Variants in PLEKHH2 observed in about 807,000 individuals in gnomAD.
PLEKHH2 encodes the protein pleckstrin homology, MyTH4 and FERM domain containing H2.
A neutral mutation model predicts 187.9 loss-of-function variants in PLEKHH2; 129 were observed. That is an observed-to-expected ratio of 0.69 (90% CI 0.59 to 0.79). The LOEUF (loss-of-function observed/expected upper bound fraction) is 0.79. Among genes scored for constraint, PLEKHH2 ranks in the 30% least tolerant of loss-of-function variants. PLEKHH2 has a pLI of 0.00. For synonymous variants in PLEKHH2, 686 were observed against 605.6 expected, an observed-to-expected ratio of 1.13 and a Z score of -1.95; for missense variants, 2,076 against 1,751.2, an observed-to-expected ratio of 1.19 and a Z score of -3.31.
At chr2:43,704,803 G>A (rs1449543087) in intron 9 of PLEKHH2, among the ~76,000 whole-genome samples, 4 of 151,724 alleles carry the variant, frequency 2.6e-5, no homozygotes, top group African/African-American at 9.7e-5. Context: ...AAATTCATTG[G>A]AATAAAGAGT....
chr2:43,697,798 G>A (rs997189108), intron 7 of PLEKHH2, among the ~76,000 whole-genome samples: 1 of 151,730 alleles, frequency 6.6e-6, no homozygotes, highest in African/African-American at 2.4e-5. Context: ...ATTAAACATT[G>A]GCATAGCAAA....
rs201819951 is a variant in PLEKHH2 at position 43,763,008 on chromosome 2, CAGA to C, written c.4158+622_4158+624del. On this transcript the variant is annotated intron_variant, in intron 28 of 29. Coordinates refer to ENST00000282406, the MANE Select transcript of PLEKHH2 (RefSeq NM_172069.4). ...GCAGGTCTAATCCTGTGGCTATAAT[CAGA>C]AGATCACTGAAAATTTTCTGGAAAC... Among the ~76,000 whole-genome samples, 919 of 152,192 alleles carry C rather than the reference CAGA, an allele frequency of 6.0e-3. 15 individuals carry two copies. The highest frequency in any genetic ancestry group is 0.021 in the African/African-American group (868 of 41,530).
At position 43,712,247 on chromosome 2, in the gene PLEKHH2, A is replaced by G. The variant is rs995367580; in HGVS notation, c.2324A>G (p.Tyr775Cys). Residue 775 changes from tyrosine (Y) to cysteine (C), a missense_variant, in exon 15 of 30, where the codon TAC becomes TGC. Physicochemically the swap from Tyr to Cys is radical, Grantham distance 194. Coordinates refer to ENST00000282406, the MANE Select transcript of PLEKHH2 (RefSeq NM_172069.4). ...TAGTTGACCACTGAAAAACACACAT[A>G]CTATCTGACTGCAGATTCTCCCAAT... ...TVQLTTEKHT[Y>C]YLTADSPNIL... 5 of 1,613,316 alleles carry G rather than the reference A, an allele frequency of 3.1e-6. No individual in the cohort carries two copies. The highest frequency in any genetic ancestry group is 4.2e-6 in the Non-Finnish European group (5 of 1,179,366).
intron 16 of PLEKHH2, among the ~76,000 whole-genome samples, chr2:43,723,095 G>C (rs1402928956): frequency 6.6e-6 from 1 of 152,050 alleles, no homozygotes; most frequent in East Asian, 1.9e-4. Context: ...ATATTAGGGT[G>C]GATGAAACCT....
chr2:43,668,856 T>G (rs1232821164), intron 2 of PLEKHH2, among the ~76,000 whole-genome samples: 1 of 152,162 alleles, frequency 6.6e-6, no homozygotes, highest in African/African-American at 2.4e-5. Flanking sequence ...TTTCCACAGT[T>G]GTTACCCGAA....
At chr2:43,674,984 CAAA>C (rs57920523) in intron 2 of PLEKHH2, among the ~76,000 whole-genome samples, 1 of 104,132 alleles carries the variant, frequency 9.6e-6, no homozygotes. Flanking sequence ...GACTCCATTT[CAAA>C]AAAAAAAAAA....
chr2:43,745,451 G>A (rs116682495), intron 23 of PLEKHH2, among the ~76,000 whole-genome samples: 2,023 of 152,242 alleles, frequency 0.013, 53 homozygotes, highest in African/African-American at 0.047. Flanking sequence ...AGCTAGACCT[G>A]GGTCTAGACT....
In PLEKHH2 at chr2:43,767,270, C is replaced by A. The variant is rs777333922; in HGVS notation, c.*1672C>A. 7.2e-5 allele frequency: 11 copies of A among 152,140 alleles called. No individual in the cohort carries two copies. The highest frequency in any genetic ancestry group is 1.2e-4 in the Non-Finnish European group (8 of 68,016). 9.4% of individuals were successfully genotyped at this position (152,140 alleles called of 1,614,324 possible). A position where few individuals can be genotyped will look rare whatever the true frequency, so the allele number is the denominator to read the frequency against. On this transcript the variant is annotated 3_prime_UTR_variant, in exon 30 of 30. Coordinates refer to ENST00000282406, the MANE Select transcript of PLEKHH2 (RefSeq NM_172069.4). Reference sequence around the variant, plus strand: ...AGCCTTCATATTTTCTTCTTTGCTGCCTTCTCCCTGTGGCAATGTACTGTT... The same window carrying A: ...AGCCTTCATATTTTCTTCTTTGCTGACTTCTCCCTGTGGCAATGTACTGTT...
chr2:43,723,941 T>A (rs752924372), intron 16 of PLEKHH2, among the ~76,000 whole-genome samples: 2 of 152,184 alleles, frequency 1.3e-5, no homozygotes, highest in Non-Finnish European at 2.9e-5. Flanking sequence ...AGTGGTGCTG[T>A]GGACATGTGA....
At chr2:43,753,802 G>C in intron 25 of PLEKHH2, 42 bp downstream of exon 25, 1 of 1,379,922 alleles carries the variant, frequency 7.2e-7, no homozygotes, top group East Asian at 2.6e-5. Flanking sequence ...GAAATAATAT[G>C]ATACTAATTT....
At chr2:43,754,184 ACACACACACACACACAC>A (rs1672114727) in intron 25 of PLEKHH2, among the ~76,000 whole-genome samples, 1 of 125,946 alleles carries the variant, frequency 7.9e-6, no homozygotes, top group African/African-American at 3.6e-5. Flanking sequence ...ACACACACAC[ACACACACACACACACAC>A]ACACAAAATT....
chr2:43,709,503 A>C (rs1021334809), intron 11 of PLEKHH2, among the ~76,000 whole-genome samples: 1 of 152,186 alleles, frequency 6.6e-6, no homozygotes, highest in African/African-American at 2.4e-5. Flanking sequence ...AATCATACCA[A>C]AATATTATTC....
chr2:43,687,281 T>C (rs1281180263), intron 3 of PLEKHH2, among the ~76,000 whole-genome samples: 8 of 152,220 alleles, frequency 5.3e-5, no homozygotes, highest in Non-Finnish European at 1.2e-4. Context: ...TCTCTTAGGA[T>C]AATGACCTCC....
chr2:43,703,810 C>A (rs1177151154), intron 8 of PLEKHH2, among the ~76,000 whole-genome samples, 171 bp from the exon 9 acceptor site: 1 of 151,718 alleles, frequency 6.6e-6, no homozygotes, highest in Non-Finnish European at 1.5e-5. Context: ...CAGTACTATT[C>A]ACAATGGCAT....
rs76211726 is a variant in PLEKHH2, at chr2:43,670,714, G to T, written c.124-8149G>T. Reference sequence around the variant, plus strand: ...TCTTCTTCTTAATTTGTGCAGAAAGGCCTGCTAGGATTTTGATTAAGACTG... The same window carrying T: ...TCTTCTTCTTAATTTGTGCAGAAAGTCCTGCTAGGATTTTGATTAAGACTG... On this transcript the variant is annotated intron_variant, in intron 2 of 29. Coordinates refer to ENST00000282406, the MANE Select transcript of PLEKHH2 (RefSeq NM_172069.4). Among the ~76,000 whole-genome samples, 1,308 of 152,112 alleles carry T rather than the reference G, an allele frequency of 8.6e-3. 22 individuals are homozygous for T. Among genetic ancestry groups the T allele is most frequent in the African/African-American group, 0.03 (1,248 of 41,506 alleles).
chr2:43,704,151 C>G, intron 9 of PLEKHH2, 95 bp downstream of exon 9: 1 of 838,512 alleles, frequency 1.2e-6, no homozygotes, highest in Non-Finnish European at 1.9e-6. Context: ...CACAAAAAGA[C>G]AAATACTGTA....
chr2:43,694,561 T>G (rs1012320366), intron 5 of PLEKHH2, 47 bp downstream of exon 5: 1 of 1,479,480 alleles, frequency 6.8e-7, no homozygotes, highest in Non-Finnish European at 9.1e-7. Flanking sequence ...TTACTTCTTT[T>G]GAATTGATAC....
rs753847972 is a variant in PLEKHH2, at chr2:43,745,937, G to T, written c.3627G>T (p.Arg1209Ser). Reference protein sequence around the residue: ...EQQPGKCEGTRTVRLTYKNRL... With the variant: ...EQQPGKCEGTSTVRLTYKNRL... ...AGCCTGGAAAATGTGAAGGTACAAG[G>T]ACTGTTCGTCTGACATACAAAAACA... Residue 1209 changes from arginine (R) to serine (S), a missense_variant, in exon 24 of 30, where the codon AGG (arginine) becomes AGT (serine). Physicochemically the swap from Arg to Ser is moderately radical, Grantham distance 110 (BLOSUM62 -1). Coordinates refer to ENST00000282406, the MANE Select transcript of PLEKHH2 (RefSeq NM_172069.4). The T allele has an allele frequency of 5.2e-5, 84 of 1,611,478 alleles. No homozygotes were observed. Among genetic ancestry groups the T allele is most frequent in the Admixed American group, 8.4e-5 (5 of 59,848 alleles).
intron 25 of PLEKHH2, among the ~76,000 whole-genome samples, chr2:43,756,216 A>C (rs1053155577): frequency 6.6e-6 from 1 of 151,914 alleles, no homozygotes; most frequent in Non-Finnish European, 1.5e-5. Flanking sequence ...CTAGGAACAA[A>C]GTAATGAGAA....
Sources: allele counts gnomAD v4.1 joint callset (sites outside exome capture counted in the v4.1 genomes callset), GRCh38; gene constraint gnomAD v4.1.1; transcripts MANE v1.5; gene names NCBI Gene and HGNC (gene_info 2026-07-23, HGNC 2026-07-21).